The following GRIN2A variants were observed in gnomAD, a reference collection of about 807,000 sequenced individuals.
The protein encoded by GRIN2A is glutamate ionotropic receptor NMDA type subunit 2A, also known as glutamate receptor ionotropic, NMDA 2A.
GRIN2A carries 22 observed loss-of-function variants against 113.4 expected under a neutral mutation model. The observed-to-expected ratio is 0.19, with a 90% CI of 0.14 to 0.28. The LOEUF is 0.28. Ranked by LOEUF, GRIN2A falls within the 10% of genes least tolerant of loss-of-function variation. The pLI is 1.00. For synonymous variants in GRIN2A, 827 were observed against 738.4 expected, an observed-to-expected ratio of 1.12 and a Z score of -1.94; for missense variants, 1,502 against 1,887.0, an observed-to-expected ratio of 0.80 and a Z score of 3.78.
chr16:9,917,776 C>G (rs1337185564), intron 3 of GRIN2A, among the ~76,000 whole-genome samples: 2 of 152,300 alleles, frequency 1.3e-5, no homozygotes, highest in East Asian at 3.9e-4. Flanking sequence ...TACACCAGTA[C>G]TCGTGCGTTC....
chr16:10,082,755 TGTTACACA>T (rs1178182161), intron 2 of GRIN2A, among the ~76,000 whole-genome samples: 1 of 152,212 alleles, frequency 6.6e-6, no homozygotes, highest in Non-Finnish European at 1.5e-5. Flanking sequence ...GGTGGTCGGT[TGTTACACA>T]GCAATAGATA....
At chr16:9,811,015 C>A (rs1353447849) in intron 10 of GRIN2A, among the ~76,000 whole-genome samples, 2 of 152,194 alleles carry the variant, frequency 1.3e-5, no homozygotes, top group Non-Finnish European at 2.9e-5. Flanking sequence ...GGAAAACTCA[C>A]TTCTCCCTGC....
At chr16:9,957,414 C>T (rs573703624) in intron 2 of GRIN2A, among the ~76,000 whole-genome samples, 8 of 152,304 alleles carry the variant, frequency 5.3e-5, no homozygotes, top group African/African-American at 1.2e-4. Context: ...TTCACTTCTG[C>T]GAGCACTCTT....
rs76467303 is a variant in GRIN2A, at chr16:9,775,507, C to G, written c.2357-6418G>C. On this transcript the variant is annotated intron_variant, in intron 11 of 12. Coordinates refer to ENST00000330684, the MANE Select transcript of GRIN2A (RefSeq NM_001134407.3). ...TAAGAGCTCATTCCTGTGAGAGAGA[C>G]AGTCATGAAAACCAGTAGTTACGGC... Among the ~76,000 whole-genome samples the G allele has an allele frequency of 4.8e-3, 738 of 152,236 alleles. 2 individuals are homozygous for G. The highest frequency in any genetic ancestry group is 0.016 in the African/African-American group (672 of 41,528).
At chr16:9,895,899 T>G (rs559663527) in intron 3 of GRIN2A, among the ~76,000 whole-genome samples, 2 of 152,266 alleles carry the variant, frequency 1.3e-5, no homozygotes, top group South Asian at 2.1e-4. Flanking sequence ...AACTGAAAAA[T>G]TTAGTAAATT....
intron 3 of GRIN2A, among the ~76,000 whole-genome samples, chr16:9,914,680 C>A (rs1367834808): frequency 6.6e-6 from 1 of 152,038 alleles, no homozygotes; most frequent in Non-Finnish European, 1.5e-5. Context: ...CTCCCAGACC[C>A]AAAGCTGAGG....
chr16:9,817,659 G>C (rs1328769755), intron 10 of GRIN2A, among the ~76,000 whole-genome samples: 2 of 152,234 alleles, frequency 1.3e-5, no homozygotes, highest in African/African-American at 4.8e-5. Flanking sequence ...CCAGGACACA[G>C]CTAGCTAATG....
intron 2 of GRIN2A, among the ~76,000 whole-genome samples, chr16:10,143,478 T>C (rs901890305): frequency 7.2e-5 from 11 of 152,320 alleles, no homozygotes; most frequent in African/African-American, 2.6e-4. Context: ...TTAAAAACCT[T>C]GAGTTATTTA....
chr16:9,785,297 G>T (rs1902170290), intron 11 of GRIN2A, among the ~76,000 whole-genome samples: 1 of 152,084 alleles, frequency 6.6e-6, no homozygotes, highest in South Asian at 2.1e-4. Context: ...TAGGGACATG[G>T]ATGAAGCTGG....
At chr16:10,042,497 C>T (rs2047183077) in intron 2 of GRIN2A, among the ~76,000 whole-genome samples, 1 of 152,166 alleles carries the variant, frequency 6.6e-6, no homozygotes, top group African/African-American at 2.4e-5. Context: ...ATCACTGCAC[C>T]TCTGGCCAAT....
At chr16:10,118,977 C>A (rs1368199655) in intron 2 of GRIN2A, among the ~76,000 whole-genome samples, 5 of 152,144 alleles carry the variant, frequency 3.3e-5, no homozygotes, top group Non-Finnish European at 7.3e-5. Flanking sequence ...AAAGAAAAGA[C>A]AGTGAGATTT....
At chr16:9,894,454 CT>C (rs201865628) in intron 3 of GRIN2A, among the ~76,000 whole-genome samples, 1 of 151,996 alleles carries the variant, frequency 6.6e-6, no homozygotes, top group Non-Finnish European at 1.5e-5. Context: ...ACAATTGAAA[CT>C]TTTTTTTCTC....
chr16:9,953,106 T>G (rs2045221681), intron 2 of GRIN2A, among the ~76,000 whole-genome samples: 1 of 152,122 alleles, frequency 6.6e-6, no homozygotes, highest in Admixed American at 6.5e-5. Flanking sequence ...CAGAGAAATC[T>G]CACTAAAGCA....
chr16:9,775,503 G>C (rs1407517301), intron 11 of GRIN2A, among the ~76,000 whole-genome samples: 3 of 152,190 alleles, frequency 2.0e-5, no homozygotes, highest in African/African-American at 7.2e-5. Context: ...TCCTGTGAGA[G>C]AGACAGTCAT....
At chr16:10,154,207 G>A (rs1345423) in intron 2 of GRIN2A, among the ~76,000 whole-genome samples, 1 of 151,846 alleles carries the variant, frequency 6.6e-6, no homozygotes, top group African/African-American at 2.4e-5. Context: ...CTCCATCTGG[G>A]CCCACAAGTG....
intron 2 of GRIN2A, among the ~76,000 whole-genome samples, chr16:10,018,405 A>G (rs183822130): frequency 2.6e-5 from 4 of 152,250 alleles, no homozygotes; most frequent in African/African-American, 9.6e-5. Context: ...CAGCAATACC[A>G]CTGCAGTTGA....
intron 2 of GRIN2A, among the ~76,000 whole-genome samples, chr16:9,945,636 G>A (rs1016515576): frequency 2.0e-5 from 3 of 152,176 alleles, no homozygotes; most frequent in Non-Finnish European, 4.4e-5. Flanking sequence ...GGGATTTTGT[G>A]TAAGATAACC....
At chr16:9,950,674 T>C (rs927141571) in intron 2 of GRIN2A, among the ~76,000 whole-genome samples, 14 of 152,180 alleles carry the variant, frequency 9.2e-5, no homozygotes, top group Non-Finnish European at 1.8e-4. Flanking sequence ...TCATGGGAGA[T>C]GGCTTAGTGC....
intron 2 of GRIN2A, among the ~76,000 whole-genome samples, chr16:10,153,115 G>A (rs956373024): frequency 1.3e-5 from 2 of 152,136 alleles, no homozygotes; most frequent in Admixed American, 1.3e-4. Context: ...GTCCATGTAG[G>A]CCTATCAGTT....
Sources: gnomAD v4.1 joint callset for allele counts (sites outside exome capture counted in the v4.1 genomes callset) on GRCh38, gnomAD v4.1.1 for gene constraint, MANE v1.5 for transcripts, NCBI Gene and HGNC (gene_info 2026-07-23, HGNC 2026-07-21) for gene names.